TENM3: variants seen among roughly 807,000 people sequenced by gnomAD.
TENM3 encodes teneurin-3.
A neutral mutation model predicts 255.1 loss-of-function variants in TENM3; 63 were observed. That is an observed-to-expected ratio of 0.25 (90% CI 0.20 to 0.30). The LOEUF is 0.30. Ranked by LOEUF, TENM3 falls within the 10% of genes least tolerant of loss-of-function variation. TENM3 has a pLI of 1.00. For missense variants in TENM3, 2,929 were observed against 3,461.1 expected, an observed-to-expected ratio of 0.85 and a Z score of 3.86; for synonymous variants, 1,306 against 1,322.3, an observed-to-expected ratio of 0.99 and a Z score of 0.27.
chr4:182,237,815 C>T (rs190318347), intron 1 of TENM3, among the ~76,000 whole-genome samples: 127 of 152,252 alleles, frequency 8.3e-4, no homozygotes, highest in Middle Eastern at 3.4e-3. Context: ...TAAGTTTTGT[C>T]ACCAAATATA....
intron 1 of TENM3, among the ~76,000 whole-genome samples, chr4:182,283,621 G>A (rs1028773619): frequency 6.6e-6 from 1 of 152,160 alleles, no homozygotes; most frequent in African/African-American, 2.4e-5. Context: ...AGGATGGTCT[G>A]TAATGAGAAG....
At chr4:182,204,705 A>G (rs977080469) in intron 1 of TENM3, among the ~76,000 whole-genome samples, 1 of 152,180 alleles carries the variant, frequency 6.6e-6, no homozygotes. Context: ...CAGATTCCTG[A>G]TAGCCTTTTC....
chr4:182,743,527 G>C lies in TENM3; in HGVS notation c.3629+108G>C, dbSNP rs371865504. On this transcript the variant is annotated intron_variant, in intron 19 of 27. Transcript: ENST00000511685. ...ATTCATAGAAAAATACCATCCTAAG[G>C]TTTAAAATTTCCCCCAGAAAGAAGT... The C allele has an allele frequency of 7.9e-5, 100 of 1,263,994 alleles. 2 individuals carry two copies. The highest frequency in any genetic ancestry group is 5.0e-4 in the East Asian group (21 of 42,060). 78.3% of individuals were successfully genotyped at this position (1,263,994 alleles called of 1,614,324 possible).
intron 3 of TENM3, among the ~76,000 whole-genome samples, chr4:182,436,878 C>G (rs936832426): frequency 6.6e-6 from 1 of 151,982 alleles, no homozygotes; most frequent in Admixed American, 6.6e-5. Flanking sequence ...ATTAGCCAGG[C>G]GTGGTGGTGG....
chr4:181,970,163 CT>C, the TENM3 span, among the ~76,000 whole-genome samples: 2 of 152,140 alleles, frequency 1.3e-5, no homozygotes, highest in Non-Finnish European at 2.9e-5. Flanking sequence ...ATAATTCTAA[CT>C]TTTATTGATT....
the TENM3 span, among the ~76,000 whole-genome samples, chr4:181,656,418 A>G: frequency 6.6e-6 from 1 of 152,340 alleles, no homozygotes; most frequent in East Asian, 1.9e-4. Context: ...ATTAGAAGAC[A>G]GCAAAACTTG....
chr4:182,047,086 T>C, the TENM3 span, among the ~76,000 whole-genome samples: 2 of 151,940 alleles, frequency 1.3e-5, no homozygotes, highest in Non-Finnish European at 2.9e-5. Context: ...AGCTTCTGAC[T>C]AGAAAGTTCT....
chr4:182,543,797 A>C (rs1177939745), intron 3 of TENM3, among the ~76,000 whole-genome samples: 1 of 151,998 alleles, frequency 6.6e-6, no homozygotes, highest in African/African-American at 2.4e-5. Context: ...ACTCTATTTT[A>C]AGTGCTTTAC....
the TENM3 span, among the ~76,000 whole-genome samples, chr4:181,562,809 G>A: frequency 6.6e-6 from 1 of 151,980 alleles, no homozygotes; most frequent in African/African-American, 2.4e-5. Context: ...CAAGTAGCTG[G>A]GATTACAAGT....
At chr4:181,752,753 G>A in the TENM3 span, among the ~76,000 whole-genome samples, 1 of 151,490 alleles carries the variant, frequency 6.6e-6, no homozygotes, top group Non-Finnish European at 1.5e-5. Context: ...GTCAGCAGTT[G>A]GTAGGAATTT....
At chr4:182,491,519 T>C (rs1735297945) in intron 3 of TENM3, among the ~76,000 whole-genome samples, 1 of 152,204 alleles carries the variant, frequency 6.6e-6, no homozygotes, top group African/African-American at 2.4e-5. Flanking sequence ...AATATTTATA[T>C]TTATATTTTT....
At chr4:182,563,720 A>G (rs1479408093) in intron 3 of TENM3, among the ~76,000 whole-genome samples, 2 of 152,226 alleles carry the variant, frequency 1.3e-5, no homozygotes, top group Non-Finnish European at 1.5e-5. Context: ...TGGAACAAGT[A>G]AGATAAAATG....
the TENM3 span, among the ~76,000 whole-genome samples, chr4:181,661,562 A>G: frequency 1.3e-5 from 2 of 152,162 alleles, no homozygotes; most frequent in South Asian, 4.1e-4. Context: ...ACCAAAGGAC[A>G]CAGAAAGTCT....
At chr4:181,973,788 G>T in the TENM3 span, among the ~76,000 whole-genome samples, 1 of 152,086 alleles carries the variant, frequency 6.6e-6, no homozygotes, top group Admixed American at 6.5e-5. Flanking sequence ...AAAATAAGTA[G>T]AATACAGTCA....
At chr4:182,501,374 G>GGA (rs1491358629) in intron 3 of TENM3, among the ~76,000 whole-genome samples, 2 of 16,976 alleles carry the variant, frequency 1.2e-4, no homozygotes, top group African/African-American at 1.8e-4. Flanking sequence ...GTCTAAAAGT[G>GGA]GGGGGGGGGG....
intron 1 of TENM3, among the ~76,000 whole-genome samples, chr4:182,194,640 G>A (rs1054330025): frequency 1.3e-5 from 2 of 152,186 alleles, no homozygotes; most frequent in African/African-American, 4.8e-5. Flanking sequence ...CAGCATGCCA[G>A]CCAGCCAGAC....
chr4:182,236,099 C>T (rs957282709), intron 1 of TENM3, among the ~76,000 whole-genome samples: 1 of 152,162 alleles, frequency 6.6e-6, no homozygotes, highest in African/African-American at 2.4e-5. Flanking sequence ...AGCAGAGTCC[C>T]TTTAAATGCA....
chr4:181,587,371 T>C, the TENM3 span, among the ~76,000 whole-genome samples: 13 of 152,168 alleles, frequency 8.5e-5, no homozygotes, highest in African/African-American at 3.1e-4. Context: ...AAGCCACTCC[T>C]ATCCTGGAAG....
intron 3 of TENM3, among the ~76,000 whole-genome samples, chr4:182,526,643 T>G (rs887168614): frequency 6.6e-6 from 1 of 152,194 alleles, no homozygotes; most frequent in Admixed American, 6.5e-5. Flanking sequence ...TAATTGTGTT[T>G]TGTTCACCTC....
Sources: gnomAD v4.1 joint callset for allele counts (sites outside exome capture counted in the v4.1 genomes callset) on GRCh38, gnomAD v4.1.1 for gene constraint, MANE v1.5 for transcripts, NCBI Gene and HGNC (gene_info 2026-07-23, HGNC 2026-07-21) for gene names.